Variants in EFCAB5 observed in about 807,000 individuals in gnomAD.
EFCAB5 encodes EF-hand calcium binding domain 5.
In EFCAB5, 131 loss-of-function variants were observed where a neutral mutation model predicts 167.9. The ratio of observed to expected loss-of-function variants is 0.78; its 90% CI spans 0.68 to 0.90. The LOEUF is 0.90. Among genes scored for constraint, EFCAB5 ranks in the 40% least tolerant of loss-of-function variants. EFCAB5 has a pLI of 0.00. For synonymous variants in EFCAB5, 574 were observed against 602.8 expected (o/e 0.95, Z 0.70); for missense variants, 1,663 against 1,745.2 (o/e 0.95, Z 0.84).
At chr17:30,102,251 G>A (rs2071391891) in intron 22 of EFCAB5, among the ~76,000 whole-genome samples, 1 of 152,200 alleles carries the variant, frequency 6.6e-6, no homozygotes, top group East Asian at 1.9e-4. Context: ...AGAGTCATCA[G>A]CCAGAGTGAA....
chr17:30,054,237 AT>A (rs1365256946), intron 10 of EFCAB5, 89 bp downstream of exon 10: 30 of 1,442,244 alleles, frequency 2.1e-5, no homozygotes, highest in Admixed American at 2.9e-5. Flanking sequence ...TTAAGTTAGA[AT>A]TTTTTTTCTG....
chr17:29,993,459 C>T (rs1360352334), intron 5 of EFCAB5, 138 bp downstream of exon 5: 5 of 702,308 alleles, frequency 7.1e-6, no homozygotes, highest in South Asian at 5.4e-5. Context: ...CTGTCTGGTC[C>T]GTGAGTGTTG....
At position 29,975,921 on chromosome 17, in the gene EFCAB5, C is replaced by A. The variant is rs370195139; in HGVS notation, c.767+6554C>A. ...TTATTGCACACTAAAGTTTCAAGACCAAATTAAAAAGAAAACAAATTAAGA... is the reference window on the plus strand; with the variant it reads ...TTATTGCACACTAAAGTTTCAAGACAAAATTAAAAAGAAAACAAATTAAGA... On this transcript the variant is annotated intron_variant, in intron 4 of 22. Transcript: ENST00000394835. Among the ~76,000 whole-genome samples the A allele has an allele frequency of 5.9e-5, 9 of 152,152 alleles. No homozygotes were observed. The East Asian group carries it at 1.7e-3, about 29-fold the overall frequency.
intron 22 of EFCAB5, among the ~76,000 whole-genome samples, chr17:30,097,054 ATATATATTTTT>A (rs1567777491): frequency 2.3e-4 from 14 of 62,036 alleles, no homozygotes; most frequent in African/African-American, 1.3e-3. Context: ...ATATACATAT[ATATATATTTTT>A]TTTTTTTTGA....
intron 1 of EFCAB5, among the ~76,000 whole-genome samples, chr17:29,930,577 C>A (rs1309547848): frequency 2.0e-5 from 3 of 147,596 alleles, no homozygotes; most frequent in Non-Finnish European, 3.0e-5. Flanking sequence ...AATCCTGAAG[C>A]AAACACGTTT....
intron 1 of EFCAB5, among the ~76,000 whole-genome samples, chr17:29,933,213 A>C (rs2067216963): frequency 6.6e-6 from 1 of 152,222 alleles, no homozygotes; most frequent in African/African-American, 2.4e-5. Flanking sequence ...GGTATGTAGA[A>C]ATATAGAAGA....
intron 8 of EFCAB5, among the ~76,000 whole-genome samples, chr17:30,040,331 A>G (rs1210799604): frequency 6.6e-6 from 1 of 152,224 alleles, no homozygotes; most frequent in Non-Finnish European, 1.5e-5. Context: ...GAGACTTAAC[A>G]GGATGCAGTG....
intron 4 of EFCAB5, among the ~76,000 whole-genome samples, chr17:29,990,550 G>A (rs555379501): frequency 1.3e-5 from 2 of 152,242 alleles, no homozygotes; most frequent in South Asian, 4.1e-4. Flanking sequence ...ATTTAAACTA[G>A]ATCTACCTAG....
intron 5 of EFCAB5, among the ~76,000 whole-genome samples, chr17:29,994,486 G>T (rs947368293): frequency 6.6e-6 from 1 of 151,884 alleles, no homozygotes; most frequent in Non-Finnish European, 1.5e-5. Context: ...ACACAAAAAG[G>T]TTGGGAATCA....
At chr17:30,056,419 T>C (rs1379753115) in intron 12 of EFCAB5, among the ~76,000 whole-genome samples, 2 of 152,306 alleles carry the variant, frequency 1.3e-5, no homozygotes, top group Non-Finnish European at 1.5e-5. Flanking sequence ...TTTTTAACCA[T>C]GATATGGCCC....
intron 3 of EFCAB5, among the ~76,000 whole-genome samples, chr17:29,965,490 G>A (rs1015162137): frequency 3.3e-5 from 5 of 152,120 alleles, no homozygotes; most frequent in African/African-American, 1.2e-4. Flanking sequence ...ATGTGCACTT[G>A]AGAAAAATAT....
rs540492042 is a variant in EFCAB5, at chr17:30,085,224, GA to G, written c.3580-1832del. Among the ~76,000 whole-genome samples, 147 of 152,074 alleles carry G rather than the reference GA, an allele frequency of 9.7e-4. 2 individuals are homozygous for G. In the Middle Eastern group the frequency reaches 0.01, roughly 11 times the overall value. On this transcript the variant is annotated intron_variant, in intron 18 of 22. Transcript: ENST00000394835. ...TCCTGTAAGGTACAGAGTCATAGAG[GA>G]AAAAAATTACTGCTCTGTTAACAGT...
At chr17:30,070,225 C>T (rs930529659) in intron 14 of EFCAB5, among the ~76,000 whole-genome samples, 2 of 151,090 alleles carry the variant, frequency 1.3e-5, no homozygotes, top group African/African-American at 4.9e-5. Context: ...CAATTACAGC[C>T]CCTTAAAAAA....
chr17:29,939,147 T>C (rs2067268928), upstream of EFCAB5, among the ~76,000 whole-genome samples: 1 of 152,222 alleles, frequency 6.6e-6, no homozygotes. Context: ...TTAATTACCT[T>C]GTACATTTCC....
intron 22 of EFCAB5, among the ~76,000 whole-genome samples, chr17:30,100,724 A>G (rs2071370903): frequency 6.6e-6 from 1 of 151,920 alleles, no homozygotes; most frequent in Non-Finnish European, 1.5e-5. Context: ...CCAAGATCGC[A>G]CCACTGTGCT....
intron 3 of EFCAB5, chr17:29,950,732 G>A (rs1176823026): frequency 6.6e-6 from 1 of 152,088 alleles, no homozygotes; most frequent in East Asian, 1.9e-4. Flanking sequence ...TAAGAATACA[G>A]TATATAATAC....
chr17:30,068,996 A>G (rs2070655010), intron 14 of EFCAB5: 1 of 1,445,092 alleles, frequency 6.9e-7, no homozygotes, highest in Non-Finnish European at 9.7e-7. Context: ...AAGGAGATAC[A>G]TTCCCAGCAA....
chr17:29,995,578 C>G (rs1479341735), intron 5 of EFCAB5, among the ~76,000 whole-genome samples: 2 of 152,188 alleles, frequency 1.3e-5, no homozygotes, highest in East Asian at 1.9e-4. Flanking sequence ...AAGCTCTGTT[C>G]TTGTCTGCGT....
rs143353689 is a variant in EFCAB5 at position 29,986,256 on chromosome 17, T to A, written c.768-6909T>A. On this transcript the variant is annotated intron_variant, in intron 4 of 22. Coordinates refer to ENST00000394835, the MANE Select transcript of EFCAB5 (RefSeq NM_198529.4). Reference sequence around the variant, plus strand: ...CAAATTTTGATCTTATTAAGAGCCATGAATAGTTTCCACAAGTCCTTATGT... The same window carrying A: ...CAAATTTTGATCTTATTAAGAGCCAAGAATAGTTTCCACAAGTCCTTATGT... 4.3e-3 allele frequency among the ~76,000 whole-genome samples: 660 copies of A among 152,342 alleles called. 5 individuals carry two copies. The highest frequency in any genetic ancestry group is 0.015 in the African/African-American group (620 of 41,572).
Sources: allele counts gnomAD v4.1 joint callset (sites outside exome capture counted in the v4.1 genomes callset), GRCh38; gene constraint gnomAD v4.1.1; transcripts MANE v1.5; gene names NCBI Gene and HGNC (gene_info 2026-07-23, HGNC 2026-07-21).